The following CEP85L variants were observed in gnomAD, a reference collection of about 807,000 sequenced individuals.
CEP85L encodes centrosomal protein of 85 kDa-like.
A neutral mutation model predicts 100.3 loss-of-function variants in CEP85L; 60 were observed. The ratio of observed to expected loss-of-function variants is 0.60; its 90% CI spans 0.49 to 0.74. The LOEUF (loss-of-function observed/expected upper bound fraction) is 0.74, where lower values mean the gene tolerates loss of function less well. CEP85L is among the 30% of genes least tolerant of loss of function. The probability of loss-of-function intolerance (pLI) is 0.00; values close to 1 mark genes in which losing one functional copy is unlikely to be tolerated. For missense variants in CEP85L, 973 were observed against 936.2 expected (o/e 1.04, Z -0.51); for synonymous variants, 319 against 322.7 (o/e 0.99, Z 0.12).
At chr6:118,598,360 T>C (rs939276284) in intron 2 of CEP85L, among the ~76,000 whole-genome samples, 1 of 152,180 alleles carries the variant, frequency 6.6e-6, no homozygotes, top group Non-Finnish European at 1.5e-5. Context: ...ATGTCCTCCA[T>C]AAAAATACAT....
rs200275357 is a variant in CEP85L at position 118,565,723 on chromosome 6, T to C, written c.826A>G (p.Lys276Glu). The C allele has an allele frequency of 6.7e-5, 108 of 1,614,048 alleles. 1 individual carries two copies. The highest frequency in any genetic ancestry group is 6.6e-5 in the Non-Finnish European group (78 of 1,180,038). Residue 276 changes from lysine (K) to glutamate (E), a missense_variant, in exon 3 of 13, where the codon AAA (lysine) becomes GAA (glutamate). Coordinates refer to ENST00000368491, the MANE Select transcript of CEP85L (RefSeq NM_001042475.3). ...MTSSEAFEPP[K>E]YLMLGQQAVG... ...GCCTGTTGACCAAGCATTAAATATT[T>C]TGGAGGTTCAAAAGCCTCTGAGCTT...
At chr6:118,583,407 A>C (rs1172298421) in intron 2 of CEP85L, among the ~76,000 whole-genome samples, 1 of 152,142 alleles carries the variant, frequency 6.6e-6, no homozygotes, top group Non-Finnish European at 1.5e-5. Flanking sequence ...TATTTTTCTC[A>C]ACCCCTTTTG....
Position 118,469,193 on chromosome 6 carries a change from C to A in CEP85L, c.2133G>T (p.Val711=). The A allele has an allele frequency of 6.2e-7, 1 of 1,614,086 alleles. No individual in the cohort carries two copies. The highest frequency in any genetic ancestry group is 8.5e-7 in the Non-Finnish European group (1 of 1,179,944). ...LSKRPLFDLT[V]IDQLFKEMSC... is the part of the protein sequence containing the mutation. The stretch of plus-strand genomic sequence containing the variant: ...ACATTTCCTTGAACAGCTGATCAAT[C>A]ACAGTCAAATCAAATAGTGGCCGTT... The change falls in exon 12 of 13, where the codon GTG becomes GTT. Residue 711 remains valine (V), a synonymous_variant. Coordinates refer to ENST00000368491, the MANE Select transcript of CEP85L (RefSeq NM_001042475.3).
chr6:118,559,169 A>G lies in CEP85L; in HGVS notation c.1020+6360T>C, dbSNP rs28763979. On this transcript the variant is annotated intron_variant, in intron 3 of 12. Transcript: ENST00000368491. The stretch of plus-strand genomic sequence containing the variant: ...AGACAGGAAAACAATATTGTATAAC[A>G]GACCACTTCCTGAGTAGAAGAGTTT... 3,162 of 946,380 alleles carry G rather than the reference A, an allele frequency of 3.3e-3. 90 individuals carry two copies. The African/African-American group carries it at 0.045, about 14-fold the overall frequency. The allele number at this position is 946,380 out of a possible 1,614,324, so 58.6% of individuals were successfully genotyped here. A position where few individuals can be genotyped will look rare whatever the true frequency, so the allele number is the denominator to read the frequency against.
In CEP85L at chr6:118,703,112, G is replaced by T. The variant is rs909631145; in HGVS notation, c.-28+6924C>A. Among the ~76,000 whole-genome samples the T allele has an allele frequency of 2.6e-5, 4 of 151,796 alleles. 1 individual carries two copies. The East Asian group carries it at 7.7e-4, about 29-fold the overall frequency. The stretch of plus-strand genomic sequence containing the variant: ...GCAGAAGTGACGATTTGTGACTTCT[G>T]AATAAGACCTCAAGAGAACCTAGCA... On this transcript the variant is annotated intron_variant, in intron 1 of 13. Coordinates refer to the CEP85L transcript ENST00000368488.
At chr6:118,466,415 C>T (rs931612766) in intron 12 of CEP85L, among the ~76,000 whole-genome samples, 26 of 152,046 alleles carry the variant, frequency 1.7e-4, no homozygotes, top group East Asian at 5.8e-4. Context: ...GGCTTGTTCT[C>T]GATGCTTTAC....
At chr6:118,507,591 C>T (rs754521611) in intron 5 of CEP85L, among the ~76,000 whole-genome samples, 1 of 152,208 alleles carries the variant, frequency 6.6e-6, no homozygotes, top group Non-Finnish European at 1.5e-5. Flanking sequence ...TTGCTTACCT[C>T]TTCAACCACA....
At chr6:118,495,124 G>GA (rs891190530) in intron 5 of CEP85L, among the ~76,000 whole-genome samples, 2,503 of 140,210 alleles carry the variant, frequency 0.018, 79 homozygotes, top group African/African-American at 0.057. Context: ...CTGAAAAAGA[G>GA]AAAAAAAAAA....
intron 4 of CEP85L, among the ~76,000 whole-genome samples, chr6:118,513,096 C>T (rs1776063949): frequency 6.6e-6 from 1 of 151,914 alleles, no homozygotes; most frequent in Non-Finnish European, 1.5e-5. Context: ...CACAAAAGTA[C>T]AGTAAATTTA....
chr6:118,489,271 CAAAA>C (rs371393488), intron 6 of CEP85L, among the ~76,000 whole-genome samples: 2 of 127,350 alleles, frequency 1.6e-5, no homozygotes, highest in Non-Finnish European at 3.3e-5. Context: ...AGCTCTGTCT[CAAAA>C]AAAAAAAAAA....
intron 3 of CEP85L, among the ~76,000 whole-genome samples, chr6:118,546,270 T>C (rs933829408): frequency 1.9e-4 from 29 of 152,168 alleles, no homozygotes; most frequent in Non-Finnish European, 4.3e-4. Flanking sequence ...ATTTTCCAAC[T>C]GTGTCACACA....
intron 2 of CEP85L, among the ~76,000 whole-genome samples, chr6:118,616,382 A>C (rs1773046319): frequency 6.6e-6 from 1 of 152,012 alleles, no homozygotes; most frequent in Non-Finnish European, 1.5e-5. Context: ...AAACAAAAAC[A>C]AAAGCCAGGA....
chr6:118,699,439 AG>A (rs934974644), intron 1 of CEP85L, among the ~76,000 whole-genome samples: 1 of 141,964 alleles, frequency 7.0e-6, no homozygotes, highest in Non-Finnish European at 1.5e-5. Flanking sequence ...TGGATGACAG[AG>A]CAAGACCTTG....
At position 118,479,419 on chromosome 6, in the gene CEP85L, T is replaced by C. The variant is rs926085532; in HGVS notation, c.1914+452A>G. Among the ~76,000 whole-genome samples, 5 of 152,120 alleles carry C rather than the reference T, an allele frequency of 3.3e-5. No individual in the cohort carries two copies. In the East Asian group the frequency reaches 9.6e-4, roughly 29 times the overall value. On this transcript the variant is annotated intron_variant, in intron 10 of 12. Coordinates refer to ENST00000368491, the MANE Select transcript of CEP85L (RefSeq NM_001042475.3). The stretch of plus-strand genomic sequence containing the variant: ...AGCATGCCAGGTACATAAAGGGCAC[T>C]TGTTGCTCCCTTTGCTTGGAATGCT...
intron 2 of CEP85L, among the ~76,000 whole-genome samples, chr6:118,592,973 A>G (rs9481829): frequency 0.03 from 4,400 of 147,194 alleles, 106 homozygotes; most frequent in African/African-American, 0.057. Context: ...TATGGAAAAA[A>G]AAGAAAAAGA....
chr6:118,582,921 C>A (rs1780654560), intron 2 of CEP85L, among the ~76,000 whole-genome samples: 1 of 152,110 alleles, frequency 6.6e-6, no homozygotes. Context: ...CAGGAGGAGG[C>A]CCAAGAAAAG....
At chr6:118,475,877 C>T (rs557891156) in intron 10 of CEP85L, among the ~76,000 whole-genome samples, 6 of 152,188 alleles carry the variant, frequency 3.9e-5, no homozygotes, top group Admixed American at 6.5e-5. Flanking sequence ...TGTAATGCTT[C>T]CTAAATGCTC....
At chr6:118,496,000 C>A (rs572857663) in intron 5 of CEP85L, among the ~76,000 whole-genome samples, 8 of 152,290 alleles carry the variant, frequency 5.3e-5, no homozygotes. Context: ...CAGAATTATT[C>A]AAGTCTTTGA....
intron 2 of CEP85L, among the ~76,000 whole-genome samples, chr6:118,607,999 T>C (rs924146613): frequency 7.2e-5 from 11 of 152,084 alleles, no homozygotes; most frequent in African/African-American, 2.4e-4. Flanking sequence ...GAGTCCACAG[T>C]GCAAAATGAA....
Sources: allele counts gnomAD v4.1 joint callset (sites outside exome capture counted in the v4.1 genomes callset), GRCh38; gene constraint gnomAD v4.1.1; transcripts MANE v1.5; gene names NCBI Gene and HGNC (gene_info 2026-07-23, HGNC 2026-07-21).